Variants in SCGB2B2 observed in about 807,000 individuals in gnomAD.
SCGB2B2 encodes the protein secretoglobin family 2B member 2.
A neutral mutation model predicts 7.6 loss-of-function variants in SCGB2B2; 11 were observed. The observed-to-expected ratio is 1.45, with a 90% confidence interval of 0.91 to 2.40. The LOEUF (loss-of-function observed/expected upper bound fraction) is 2.40. SCGB2B2 is among the 30% of genes most tolerant of loss of function. SCGB2B2 has a pLI of 0.00. For synonymous variants in SCGB2B2, 50 were observed against 48.6 expected (o/e 1.03, Z -0.12); for missense variants, 104 against 115.4 (o/e 0.90, Z 0.45).
chr19:34,608,010 T>C (rs2065827898), intron 1 of SCGB2B2, among the ~76,000 whole-genome samples: 2 of 152,166 alleles, frequency 1.3e-5, no homozygotes, highest in South Asian at 4.1e-4. Context: ...TTGGGATTCA[T>C]GGAATCTGAT....
In SCGB2B2 at chr19:34,591,948, G is replaced by A. The variant is rs1014129698; in HGVS notation, c.*1607C>T. On this transcript the variant is annotated 3_prime_UTR_variant, in exon 4 of 4. Coordinates refer to ENST00000601241, the MANE Select transcript of SCGB2B2 (RefSeq NM_001025591.4). ...ATGTGAACTTCAGGGAAGCAGGGCC[G>A]TCACCTGCCTTGTTTTCCACTGGGT... Among the ~76,000 whole-genome samples, 1 of 152,178 alleles carries A rather than the reference G, an allele frequency of 6.6e-6. No homozygotes were observed. Among genetic ancestry groups the A allele is most frequent in the East Asian group, 1.9e-4 (1 of 5,198 alleles).
chr19:34,658,817 A>ACAACAAC lies in SCGB2B2; in HGVS notation c.-2032+16812_-2032+16813insGTTGTTG, dbSNP rs59493943. On this transcript the variant is annotated intron_variant, in intron 1 of 3. Transcript: ENST00000601241. Reference sequence around the variant, plus strand: ...CAACAACAACAACAACAACAACAAAAAAAAAAAAAAAAAAAAAAGAGAGAG... The same window carrying ACAACAAC: ...CAACAACAACAACAACAACAACAAAACAACAACAAAAAAAAAAAAAAAAAAGAGAGAG... 1.9e-3 allele frequency among the ~76,000 whole-genome samples: 241 copies of ACAACAAC among 129,320 alleles called. 2 individuals are homozygous for ACAACAAC. The highest frequency in any genetic ancestry group is 2.0e-3 in the Non-Finnish European group (116 of 58,954). The allele number at this position is 129,320 out of a possible 152,430, so 84.8% of individuals were successfully genotyped here.
intron 1 of SCGB2B2, among the ~76,000 whole-genome samples, chr19:34,617,069 T>C (rs1287196865): frequency 2.6e-5 from 4 of 152,252 alleles, no homozygotes; most frequent in Non-Finnish European, 5.9e-5. Context: ...ACCAGTACCA[T>C]GCTGTTTTGG....
chr19:34,610,711 T>G (rs2065902985), intron 1 of SCGB2B2, among the ~76,000 whole-genome samples: 1 of 152,100 alleles, frequency 6.6e-6, no homozygotes, highest in Non-Finnish European at 1.5e-5. Context: ...GAGGTTGGTT[T>G]GCTAGTATTT....
intron 1 of SCGB2B2, among the ~76,000 whole-genome samples, chr19:34,671,479 A>G (rs2067801835): frequency 6.6e-6 from 1 of 151,512 alleles, no homozygotes; most frequent in Non-Finnish European, 1.5e-5. Context: ...TTGTATTTTC[A>G]TATCAATTTT....
At chr19:34,597,248 G>A (rs892914644) in intron 1 of SCGB2B2, among the ~76,000 whole-genome samples, 3 of 152,118 alleles carry the variant, frequency 2.0e-5, no homozygotes, top group Non-Finnish European at 4.4e-5. Context: ...GCAGGTTACA[G>A]GACTGCCCCA....
At chr19:34,652,358 T>C (rs866235118) in intron 1 of SCGB2B2, among the ~76,000 whole-genome samples, 10 of 151,132 alleles carry the variant, frequency 6.6e-5, no homozygotes, top group African/African-American at 2.2e-4. Context: ...AAGAGACAAC[T>C]TGCAGAATGG....
chr19:34,629,631 A>G (rs2066472321), intron 1 of SCGB2B2, among the ~76,000 whole-genome samples: 1 of 152,064 alleles, frequency 6.6e-6, no homozygotes, highest in Non-Finnish European at 1.5e-5. Context: ...ATACAAACAA[A>G]TGGAAGAACA....
chr19:34,607,029 C>T (rs577326964), intron 1 of SCGB2B2, among the ~76,000 whole-genome samples: 4 of 152,316 alleles, frequency 2.6e-5, no homozygotes, highest in Admixed American at 2.6e-4. Flanking sequence ...TGACCAACAA[C>T]TTCTCACTCA....
rs1346713380 is a variant in SCGB2B2, at chr19:34,591,070, A to G, written c.*2485T>C. Among the ~76,000 whole-genome samples the G allele has an allele frequency of 6.6e-6, 1 of 152,164 alleles. No homozygotes were observed. Among genetic ancestry groups the G allele is most frequent in the Non-Finnish European group, 1.5e-5 (1 of 68,044 alleles). On this transcript the variant is annotated 3_prime_UTR_variant, in exon 4 of 4. Transcript: ENST00000601241. ...CTCCACAGATTTAAATTCCATTGAA[A>G]TGCTGAAATTTACATGTTTTTGTCT...
chr19:34,623,343 TG>T (rs2066288062), intron 1 of SCGB2B2, among the ~76,000 whole-genome samples: 1 of 152,108 alleles, frequency 6.6e-6, no homozygotes, highest in African/African-American at 2.4e-5. Context: ...GGCTTGAAGA[TG>T]GGTTGTTAAG....
At chr19:34,623,124 T>C (rs1000344115) in intron 1 of SCGB2B2, among the ~76,000 whole-genome samples, 12 of 152,146 alleles carry the variant, frequency 7.9e-5, no homozygotes, top group African/African-American at 2.7e-4. Context: ...CCTGGCACTG[T>C]ATGAGACACA....
intron 1 of SCGB2B2, among the ~76,000 whole-genome samples, chr19:34,625,249 CT>C (rs1471863203): frequency 6.6e-6 from 1 of 152,178 alleles, no homozygotes; most frequent in Non-Finnish European, 1.5e-5. Context: ...GTTCATCTCA[CT>C]GTGGAGTGTT....
rs908131998 is a variant in SCGB2B2 at position 34,591,255 on chromosome 19, CCTT to C, written c.*2297_*2299del. Reference sequence around the variant, plus strand: ...TAAACCTGCTCCTCCCCAGGCTTCACCTTCTCAGCAGTGGCATCACATCCAGCC... The same window carrying C: ...TAAACCTGCTCCTCCCCAGGCTTCACCTCAGCAGTGGCATCACATCCAGCC... On this transcript the variant is annotated 3_prime_UTR_variant, in exon 4 of 4. Coordinates refer to ENST00000601241, the MANE Select transcript of SCGB2B2 (RefSeq NM_001025591.4). Among the ~76,000 whole-genome samples the C allele has an allele frequency of 2.0e-5, 3 of 152,218 alleles. No individual in the cohort carries two copies. Among genetic ancestry groups the C allele is most frequent in the Non-Finnish European group, 2.9e-5 (2 of 68,044 alleles).
chr19:34,669,837 C>T (rs747812647), intron 1 of SCGB2B2, among the ~76,000 whole-genome samples: 12 of 151,914 alleles, frequency 7.9e-5, no homozygotes, highest in Non-Finnish European at 1.0e-4. Context: ...TTACATTTCC[C>T]GGGGCACACC....
At chr19:34,608,136 T>G (rs1243070878) in intron 1 of SCGB2B2, among the ~76,000 whole-genome samples, 1 of 152,086 alleles carries the variant, frequency 6.6e-6, no homozygotes, top group African/African-American at 2.4e-5. Context: ...ATTTTCCTCA[T>G]CGTGTTTTAT....
chr19:34,624,263 AT>A (rs1397272395), intron 1 of SCGB2B2, among the ~76,000 whole-genome samples: 1 of 152,216 alleles, frequency 6.6e-6, no homozygotes, highest in Non-Finnish European at 1.5e-5. Context: ...ATGTGGAGGA[AT>A]AAAACAACCC....
chr19:34,615,935 G>A (rs1224381374), intron 1 of SCGB2B2, among the ~76,000 whole-genome samples: 1 of 150,530 alleles, frequency 6.6e-6, no homozygotes, highest in East Asian at 2.0e-4. Flanking sequence ...GAGAATACGT[G>A]GTGTTTGGTT....
At chr19:34,612,893 T>C (rs2065972401) in intron 1 of SCGB2B2, among the ~76,000 whole-genome samples, 1 of 152,220 alleles carries the variant, frequency 6.6e-6, no homozygotes, top group Non-Finnish European at 1.5e-5. Flanking sequence ...TATTGATTGA[T>C]CTTTTACCAT....
Sources: gnomAD v4.1 joint callset for allele counts (sites outside exome capture counted in the v4.1 genomes callset) on GRCh38, gnomAD v4.1.1 for gene constraint, MANE v1.5 for transcripts, NCBI Gene and HGNC (gene_info 2026-07-23, HGNC 2026-07-21) for gene names.